PLPPR1: variants seen among roughly 807,000 people sequenced by gnomAD.
PLPPR1 encodes phospholipid phosphatase-related protein type 1.
Under a neutral mutation model 33.1 loss-of-function variants are expected in PLPPR1, and 10 were observed. That is an observed-to-expected ratio of 0.30 (90% CI 0.19 to 0.51). PLPPR1 has a LOEUF of 0.51. Among genes scored for constraint, PLPPR1 ranks in the 20% least tolerant of loss-of-function variants. The pLI, the probability that PLPPR1 is intolerant of heterozygous loss-of-function variation, is 0.97. For missense variants in PLPPR1, 304 were observed against 408.1 expected (o/e 0.74, Z 2.20); for synonymous variants, 151 against 151.0 (o/e 1.00, Z 0.00).
At chr9:101,269,740 G>C (rs933055754) in intron 2 of PLPPR1, 140 bp from the exon 3 acceptor site, 1 of 755,224 alleles carries the variant, frequency 1.3e-6, no homozygotes, top group African/African-American at 1.7e-5. Context: ...CCCAGAGCAC[G>C]CTGCGCCTGG....
intron 1 of PLPPR1, among the ~76,000 whole-genome samples, chr9:101,088,753 T>C (rs375539467): frequency 1.4e-4 from 22 of 152,192 alleles, no homozygotes; most frequent in Admixed American, 9.8e-4. Flanking sequence ...AAGATTACAA[T>C]GAGAAATGGT....
chr9:101,066,548 A>G (rs1350280765), intron 1 of PLPPR1, among the ~76,000 whole-genome samples: 1 of 151,990 alleles, frequency 6.6e-6, no homozygotes, highest in Non-Finnish European at 1.5e-5. Context: ...TTACTTAATC[A>G]TTTATGTCAG....
At chr9:101,095,296 AG>A (rs1830803567) in intron 1 of PLPPR1, among the ~76,000 whole-genome samples, 1 of 152,134 alleles carries the variant, frequency 6.6e-6, no homozygotes, top group Admixed American at 6.5e-5. Flanking sequence ...GCTTCTGCTG[AG>A]GAGTTTTCTG....
At chr9:101,136,379 T>C (rs1051308873) in intron 1 of PLPPR1, among the ~76,000 whole-genome samples, 1 of 152,210 alleles carries the variant, frequency 6.6e-6, no homozygotes, top group South Asian at 2.1e-4. Flanking sequence ...TCTCTTTCAC[T>C]GGATATATTT....
At chr9:101,148,109 C>T (rs1831542255) in intron 1 of PLPPR1, among the ~76,000 whole-genome samples, 1 of 152,090 alleles carries the variant, frequency 6.6e-6, no homozygotes, top group Non-Finnish European at 1.5e-5. Context: ...GGTGCCTTGC[C>T]TTAGTATAAC....
chr9:101,242,672 C>A (rs2118850294), intron 2 of PLPPR1, among the ~76,000 whole-genome samples: 1 of 152,134 alleles, frequency 6.6e-6, no homozygotes, highest in Middle Eastern at 3.4e-3. Flanking sequence ...CCTATATGTT[C>A]TAGAACTGCT....
At chr9:101,190,597 G>C (rs1434958156) in intron 2 of PLPPR1, among the ~76,000 whole-genome samples, 4 of 152,108 alleles carry the variant, frequency 2.6e-5, no homozygotes, top group African/African-American at 9.7e-5. Context: ...GGGGAGAACA[G>C]ATGCCAACCA....
intron 1 of PLPPR1, among the ~76,000 whole-genome samples, chr9:101,176,641 CT>C: frequency 6.6e-6 from 1 of 152,190 alleles, no homozygotes; most frequent in Admixed American, 6.5e-5. Flanking sequence ...CAAGGGGCCC[CT>C]CTCTACCCAT....
At chr9:101,259,016 C>T (rs1051124812) in intron 2 of PLPPR1, among the ~76,000 whole-genome samples, 2 of 151,904 alleles carry the variant, frequency 1.3e-5, no homozygotes, top group Non-Finnish European at 2.9e-5. Context: ...ATTTTGTAGC[C>T]CAATTTAGTT....
At chr9:101,267,835 TC>T (rs1049038569) in intron 2 of PLPPR1, among the ~76,000 whole-genome samples, 2 of 152,198 alleles carry the variant, frequency 1.3e-5, no homozygotes, top group African/African-American at 2.4e-5. Flanking sequence ...TTGATGCCTT[TC>T]CTCTTTGGTA....
intron 4 of PLPPR1, among the ~76,000 whole-genome samples, chr9:101,297,519 T>G (rs777803463): frequency 1.3e-5 from 2 of 152,220 alleles, no homozygotes; most frequent in Non-Finnish European, 2.9e-5. Flanking sequence ...AGTATTAAAT[T>G]CCTTTGATTC....
chr9:101,321,951 A>C (rs1829158688), intron 7 of PLPPR1, among the ~76,000 whole-genome samples: 1 of 148,556 alleles, frequency 6.7e-6, no homozygotes, highest in East Asian at 1.9e-4. Flanking sequence ...AAAGATACTT[A>C]TACATATTTA....
chr9:101,130,713 C>G (rs1213808712), intron 1 of PLPPR1, among the ~76,000 whole-genome samples: 3 of 152,182 alleles, frequency 2.0e-5, no homozygotes, highest in Non-Finnish European at 2.9e-5. Flanking sequence ...CGCTTATCTT[C>G]TCCATTCTCC....
At chr9:101,178,716 G>A (rs1826054827) in intron 1 of PLPPR1, among the ~76,000 whole-genome samples, 1 of 152,150 alleles carries the variant, frequency 6.6e-6, no homozygotes, top group African/African-American at 2.4e-5. Context: ...ACAATACTTT[G>A]CAGGGCTGGG....
intron 2 of PLPPR1, among the ~76,000 whole-genome samples, chr9:101,261,320 G>A (rs1436985172): frequency 6.6e-6 from 1 of 152,038 alleles, no homozygotes; most frequent in Non-Finnish European, 1.5e-5. Flanking sequence ...CAAAGACCAT[G>A]GCTATTTTAA....
At chr9:101,318,590 G>A (rs1829097485) in intron 7 of PLPPR1, among the ~76,000 whole-genome samples, 1 of 152,072 alleles carries the variant, frequency 6.6e-6, no homozygotes, top group South Asian at 2.1e-4. Context: ...TGGGCAACAT[G>A]GCAAAACCCT....
intron 2 of PLPPR1, among the ~76,000 whole-genome samples, chr9:101,264,889 C>T (rs973238829): frequency 6.6e-5 from 10 of 152,140 alleles, no homozygotes; most frequent in African/African-American, 1.9e-4. Flanking sequence ...ATGCCCTTTA[C>T]ACTTCAGACA....
chr9:101,175,239 G>C (rs1826000825), intron 1 of PLPPR1, among the ~76,000 whole-genome samples: 1 of 151,996 alleles, frequency 6.6e-6, no homozygotes, highest in African/African-American at 2.4e-5. Flanking sequence ...ATTCCAACTA[G>C]GGCTGCATTA....
At chr9:101,176,073 A>G (rs1365236623) in intron 1 of PLPPR1, among the ~76,000 whole-genome samples, 1 of 152,226 alleles carries the variant, frequency 6.6e-6, no homozygotes, top group Non-Finnish European at 1.5e-5. Context: ...AAATGCCAAT[A>G]GGAGCGGACA....
Sources: allele counts gnomAD v4.1 joint callset (sites outside exome capture counted in the v4.1 genomes callset), GRCh38; gene constraint gnomAD v4.1.1; transcripts MANE v1.5; gene names NCBI Gene and HGNC (gene_info 2026-07-23, HGNC 2026-07-21).